Variants in NLRP11 observed in about 807,000 individuals in gnomAD.
The protein encoded by NLRP11 is NACHT, LRR and PYD domains-containing protein 11.
In NLRP11, 53 loss-of-function variants were observed where a neutral mutation model predicts 79.3. The ratio of observed to expected loss-of-function variants is 0.67; its 90% confidence interval spans 0.54 to 0.84. NLRP11 has a LOEUF of 0.84. Ranked by LOEUF, NLRP11 falls within the 40% of genes least tolerant of loss-of-function variation. The pLI is 0.00. For synonymous variants in NLRP11, 518 were observed against 462.6 expected (o/e 1.12, Z -1.54); for missense variants, 1,264 against 1,255.0 (o/e 1.01, Z -0.11).
chr19:55,819,902 A>G lies in NLRP11; in HGVS notation c.-62-1666T>C, dbSNP rs534002321. ...TAGGCATATTAAGCTTGCAGACCTC[A>G]TATACCAGGTACTATGTTAGAAGAT... On this transcript the variant is annotated intron_variant, in intron 1 of 9. Coordinates refer to ENST00000589093, the Ensembl canonical transcript of NLRP11. Among the ~76,000 whole-genome samples the G allele has an allele frequency of 1.9e-4, 29 of 152,288 alleles. No homozygotes were observed. The South Asian group carries it at 5.6e-3, about 29-fold the overall frequency.
chr19:55,787,331 C>T (rs1989940741), intron 9 of NLRP11, among the ~76,000 whole-genome samples: 2 of 152,148 alleles, frequency 1.3e-5, no homozygotes, highest in South Asian at 4.1e-4. Flanking sequence ...CTAGCATAAG[C>T]AAGACCTGTG....
chr19:55,794,407 A>T (rs891612438), intron 6 of NLRP11, among the ~76,000 whole-genome samples: 5 of 152,212 alleles, frequency 3.3e-5, no homozygotes, highest in African/African-American at 1.2e-4. Context: ...AAATTAGCTC[A>T]TATTGACAAT....
exon 10 of NLRP11, chr19:55,785,446 T>C (rs1989801790): frequency 1.7e-6 from 1 of 590,814 alleles, no homozygotes; most frequent in Non-Finnish European, 3.0e-6. Flanking sequence ...ATCCTTTTAA[T>C]ACTCTTGAGA....
chr19:55,810,799 A>C (rs983724421), intron 2 of NLRP11, among the ~76,000 whole-genome samples: 3 of 152,136 alleles, frequency 2.0e-5, no homozygotes, highest in African/African-American at 7.2e-5. Flanking sequence ...CGCCCGGCCC[A>C]TATTGCTTTA....
chr19:55,817,547 C>G (rs1285027920), intron 2 of NLRP11, among the ~76,000 whole-genome samples: 2 of 151,974 alleles, frequency 1.3e-5, no homozygotes, highest in Non-Finnish European at 2.9e-5. Flanking sequence ...GATTAGAGAC[C>G]ATTATTCTAA....
chr19:55,815,266 T>C (rs1214123707), intron 2 of NLRP11, among the ~76,000 whole-genome samples: 4 of 152,162 alleles, frequency 2.6e-5, no homozygotes, highest in East Asian at 3.9e-4. Context: ...CGGTGGCTTA[T>C]GCCTGTAGCC....
At chr19:55,821,241 A>C (rs1244640150) in intron 1 of NLRP11, among the ~76,000 whole-genome samples, 78 of 127,096 alleles carry the variant, frequency 6.1e-4, no homozygotes, top group African/African-American at 2.5e-3. Context: ...ACACACACAC[A>C]CACACACACC....
chr19:55,792,534 C>A (rs1427694206), intron 6 of NLRP11, 63 bp from the exon 7 acceptor site: 7 of 1,355,860 alleles, frequency 5.2e-6, no homozygotes, highest in African/African-American at 1.4e-5. Context: ...CACCTGAGAC[C>A]ACCCACCCCA....
exon 3 of NLRP11, chr19:55,810,129 T>G (rs1389407427): frequency 6.2e-7 from 1 of 1,614,162 alleles, no homozygotes; most frequent in Non-Finnish European, 8.5e-7. Flanking sequence ...TTTATAACAA[T>G]AGTTTTTCCA....
intron 1 of NLRP11, among the ~76,000 whole-genome samples, chr19:55,822,900 G>T (rs985173963): frequency 1.1e-3 from 168 of 152,260 alleles, no homozygotes; most frequent in Middle Eastern, 6.8e-3. Flanking sequence ...TGGAACTGGG[G>T]GGAGCCCACC....
At chr19:55,788,433 T>A (rs1258134707) in intron 9 of NLRP11, among the ~76,000 whole-genome samples, 1 of 150,508 alleles carries the variant, frequency 6.6e-6, no homozygotes, top group Non-Finnish European at 1.5e-5. Context: ...TCCTAGACCA[T>A]CTCAACACAG....
intron 4 of NLRP11, among the ~76,000 whole-genome samples, chr19:55,805,652 G>A (rs550443539): frequency 6.6e-6 from 1 of 151,870 alleles, no homozygotes; most frequent in Non-Finnish European, 1.5e-5. Context: ...CGATTCTCCT[G>A]CCTCAGCCTC....
chr19:55,834,743 A>T (rs1983084687), upstream of NLRP11, among the ~76,000 whole-genome samples: 1 of 152,188 alleles, frequency 6.6e-6, no homozygotes, highest in Admixed American at 6.5e-5. Context: ...TTAAATGGTG[A>T]CCTAGTCATA....
intron 1 of NLRP11, among the ~76,000 whole-genome samples, chr19:55,824,228 C>T (rs1333522692): frequency 6.8e-6 from 1 of 146,014 alleles, no homozygotes; most frequent in Non-Finnish European, 1.5e-5. Context: ...GATTTTGTCA[C>T]CACCAGGCCT....
chr19:55,791,046 A>G (rs1009287379), intron 7 of NLRP11, among the ~76,000 whole-genome samples: 4 of 152,210 alleles, frequency 2.6e-5, no homozygotes, highest in Admixed American at 6.5e-5. Flanking sequence ...CCAAATCTAG[A>G]CAACTTTGTT....
rs1989965547 is a variant in NLRP11 at position 55,787,666 on chromosome 19, G to A, written c.2855+1141C>T. 2.0e-5 allele frequency among the ~76,000 whole-genome samples: 3 copies of A among 152,280 alleles called. No individual in the cohort carries two copies. The South Asian group carries it at 6.2e-4, about 32-fold the overall frequency. ...TTGCTTCTATCCAATAGGCAAATAT[G>A]GTGAGATGTCACTTTTTTGGTGAGC... On this transcript the variant is annotated intron_variant, in intron 9 of 9. Transcript: ENST00000589093.
Position 55,827,074 on chromosome 19 carries a change from T to C in NLRP11, c.-63+4889A>G, listed in dbSNP as rs1341740989. ...ACTGGTACCAAAACAGAGATATAGA[T>C]CAATGGAACAGAACAGAGCCCTCAG... On this transcript the variant is annotated intron_variant, in intron 1 of 9. Transcript: ENST00000589093. Among the ~76,000 whole-genome samples, 6 of 143,670 alleles carry C rather than the reference T, an allele frequency of 4.2e-5. No individual in the cohort carries two copies. The East Asian group carries it at 1.1e-3, about 25-fold the overall frequency. 94.3% of individuals were successfully genotyped at this position (143,670 alleles called of 152,430 possible).
chr19:55,790,199 A>G (rs28363826), intron 7 of NLRP11, among the ~76,000 whole-genome samples: 1 of 152,152 alleles, frequency 6.6e-6, no homozygotes, highest in Non-Finnish European at 1.5e-5. Flanking sequence ...ACGTGCCCTT[A>G]GGATTGAATT....
chr19:55,822,420 C>T lies in NLRP11; in HGVS notation c.-62-4184G>A, dbSNP rs112978523. ...GACTGCAGGGAGGAGCCAAGATGGC[C>T]GAATAGGAACAGCTCCGGTCTACAG... On this transcript the variant is annotated intron_variant, in intron 1 of 9. Transcript: ENST00000589093. Among the ~76,000 whole-genome samples, 8 of 152,240 alleles carry T rather than the reference C, an allele frequency of 5.3e-5. No individual in the cohort carries two copies. The East Asian group carries it at 9.7e-4, about 18-fold the overall frequency.
Sources: gnomAD v4.1 joint callset for allele counts (sites outside exome capture counted in the v4.1 genomes callset) on GRCh38, gnomAD v4.1.1 for gene constraint, MANE v1.5 for transcripts, NCBI Gene and HGNC (gene_info 2026-07-23, HGNC 2026-07-21) for gene names.